The following NOP58 variants were observed in gnomAD, a reference collection of about 807,000 sequenced individuals.
The protein encoded by NOP58 is nucleolar protein 58.
Under a neutral mutation model 71.2 loss-of-function variants are expected in NOP58, and 44 were observed. The observed-to-expected ratio is 0.62, with a 90% CI of 0.49 to 0.79. The LOEUF is 0.79. Among genes scored for constraint, NOP58 ranks in the 30% least tolerant of loss-of-function variants. The pLI is 0.00. For synonymous variants in NOP58, 228 were observed against 200.3 expected, an observed-to-expected ratio of 1.14 and a Z score of -1.17; for missense variants, 538 against 620.2, an observed-to-expected ratio of 0.87 and a Z score of 1.41.
intron 3 of NOP58, among the ~76,000 whole-genome samples, chr2:202,279,132 A>C (rs1400002): frequency 0.98 from 149,241 of 152,266 alleles, 73,202 homozygotes; most frequent in East Asian, 1. Context: ...AGCTGTATTC[A>C]AACTCTAGGG....
intron 13 of NOP58, among the ~76,000 whole-genome samples, chr2:202,302,224 A>T (rs539671324): frequency 6.6e-6 from 1 of 150,834 alleles, no homozygotes; most frequent in Non-Finnish European, 1.5e-5. Flanking sequence ...AATAACTGGG[A>T]TTACAGGCAT....
chr2:202,277,071 A>C (rs1432194575), intron 2 of NOP58, among the ~76,000 whole-genome samples: 1 of 152,128 alleles, frequency 6.6e-6, no homozygotes. Flanking sequence ...GCGGATGATG[A>C]GGTCAGGAGA....
At chr2:202,284,080 G>C (rs1156608074) in intron 4 of NOP58, among the ~76,000 whole-genome samples, 3 of 151,992 alleles carry the variant, frequency 2.0e-5, no homozygotes, top group Non-Finnish European at 4.4e-5. Flanking sequence ...TCAGGAGTTT[G>C]AGACCAGCCT....
At chr2:202,295,627 A>G (rs1574388208) in intron 9 of NOP58, 47 bp from the exon 10 acceptor site, 2 of 1,393,938 alleles carry the variant, frequency 1.4e-6, no homozygotes, top group South Asian at 3.1e-5. Flanking sequence ...TACGTGGAAC[A>G]TTCATATATT....
intron 1 of NOP58, among the ~76,000 whole-genome samples, chr2:202,269,690 G>T (rs1034034195): frequency 1.3e-5 from 2 of 152,014 alleles, no homozygotes; most frequent in African/African-American, 4.8e-5. Flanking sequence ...GCAATGAGCT[G>T]CGGTCGCGCC....
At chr2:202,295,452 C>T (rs1390099169) in intron 9 of NOP58, among the ~76,000 whole-genome samples, 1 of 152,194 alleles carries the variant, frequency 6.6e-6, no homozygotes, top group Non-Finnish European at 1.5e-5. Flanking sequence ...TAAGCTTAGC[C>T]TTCAGTTTGT....
intron 10 of NOP58, among the ~76,000 whole-genome samples, chr2:202,296,365 G>A (rs1340138284): frequency 2.6e-5 from 4 of 151,962 alleles, no homozygotes; most frequent in East Asian, 1.9e-4. Context: ...CACCACGCCC[G>A]GCTAATTTTT....
intron 1 of NOP58, among the ~76,000 whole-genome samples, chr2:202,268,070 T>G (rs1200608579): frequency 1.3e-5 from 2 of 152,186 alleles, no homozygotes; most frequent in Non-Finnish European, 2.9e-5. Context: ...GCTGCACATT[T>G]TTGTGAAAAT....
chr2:202,272,564 G>T lies in NOP58; in HGVS notation c.46-2549G>T, dbSNP rs1468477297. Among the ~76,000 whole-genome samples, 4 of 152,144 alleles carry T rather than the reference G, an allele frequency of 2.6e-5. No individual in the cohort carries two copies. In the South Asian group the frequency reaches 8.3e-4, roughly 32 times the overall value. On this transcript the variant is annotated intron_variant, in intron 1 of 14. Transcript: ENST00000264279. ...TAAACAACTACAAAGCCTAGAGTTG[G>T]TATTAACAATTTATAAACTAATAGC...
chr2:202,288,575 T>G (rs1486329163), intron 6 of NOP58, among the ~76,000 whole-genome samples: 2 of 151,954 alleles, frequency 1.3e-5, no homozygotes, highest in African/African-American at 4.8e-5. Context: ...CCCAACACTT[T>G]GGGAGGCAGA....
chr2:202,274,052 A>G (rs1359475712), intron 1 of NOP58, among the ~76,000 whole-genome samples: 2 of 152,018 alleles, frequency 1.3e-5, no homozygotes, highest in African/African-American at 2.4e-5. Context: ...TGATAAGTAT[A>G]TTGTTGATTA....
intron 12 of NOP58, among the ~76,000 whole-genome samples, chr2:202,299,252 C>A (rs1689049714): frequency 6.6e-6 from 1 of 152,082 alleles, no homozygotes; most frequent in South Asian, 2.1e-4. Flanking sequence ...GCCACAGCAC[C>A]CGGCCTCCTT....
At position 202,303,026 on chromosome 2, in the gene NOP58, A is replaced by G. The variant is rs750739890; in HGVS notation, c.1508A>G (p.Glu503Gly). The change falls in exon 14 of 15, where the codon GAG (glutamate) becomes GGG (glycine). Residue 503 changes from glutamate (E) to glycine (G), a missense_variant. By Grantham distance (98) the Glu-to-Gly change is moderately conservative. Coordinates refer to ENST00000264279, the MANE Select transcript of NOP58 (RefSeq NM_015934.5). ...KKHIKEEPLS[E>G]EEPCTSTAIA... Reference sequence around the variant, plus strand: ...CACATTAAGGAAGAACCACTTTCTGAGGAAGAACCATGTACCAGCACAGCA... The same window carrying G: ...CACATTAAGGAAGAACCACTTTCTGGGGAAGAACCATGTACCAGCACAGCA... 1 of 1,612,594 alleles carries G rather than the reference A, an allele frequency of 6.2e-7. No homozygotes were observed. Among genetic ancestry groups the G allele is most frequent in the Non-Finnish European group, 8.5e-7 (1 of 1,179,888 alleles).
At chr2:202,281,741 G>A (rs966449044) in intron 3 of NOP58, among the ~76,000 whole-genome samples, 5 of 152,184 alleles carry the variant, frequency 3.3e-5, no homozygotes, top group Non-Finnish European at 2.9e-5. Flanking sequence ...GTATTAGTTC[G>A]TGTGGGTCCA....
At chr2:202,282,314 G>T in intron 3 of NOP58, 37 bp from the exon 4 acceptor site, 1 of 1,570,418 alleles carries the variant, frequency 6.4e-7, no homozygotes, top group South Asian at 1.2e-5. Flanking sequence ...TTAAAAATTT[G>T]AGAGTTAATG....
Position 202,286,561 on chromosome 2 carries a change from G to A in NOP58, c.435-1099G>A, listed in dbSNP as rs945927760. The stretch of plus-strand genomic sequence containing the variant: ...AAAAAGGTCTATTTTAAAATTAAAA[G>A]GTGGGCATAGATTGAAAGGGTTGAA... On this transcript the variant is annotated intron_variant, in intron 5 of 14. Coordinates refer to ENST00000264279, the MANE Select transcript of NOP58 (RefSeq NM_015934.5). Among the ~76,000 whole-genome samples the A allele has an allele frequency of 2.0e-5, 3 of 152,176 alleles. No individual in the cohort carries two copies. In the South Asian group the frequency reaches 6.2e-4, roughly 31 times the overall value.
At chr2:202,298,934 G>T (rs2105857161) in intron 12 of NOP58, among the ~76,000 whole-genome samples, 1 of 149,896 alleles carries the variant, frequency 6.7e-6, no homozygotes, top group Non-Finnish European at 1.5e-5. Flanking sequence ...ATACTTTCAG[G>T]AGTCATAATC....
In NOP58 at chr2:202,291,226, G is replaced by A. The variant is rs1162447302; in HGVS notation, c.736G>A (p.Val246Ile). Residue 246 changes from valine (V) to isoleucine (I), a missense_variant, in exon 8 of 15, where the codon GTT becomes ATT. By Grantham distance (29) the Val-to-Ile change is conservative. Transcript: ENST00000264279. The stretch of plus-strand genomic sequence containing the variant: ...TGCAGAGATATCAATGGGAACAGAG[G>A]TTTCAGAAGAAGATATTTGCAATAT... ...AAAEISMGTE[V>I]SEEDICNILH... 1 of 1,610,552 alleles carries A rather than the reference G, an allele frequency of 6.2e-7. No individual in the cohort carries two copies. The highest frequency in any genetic ancestry group is 1.7e-5 in the Admixed American group (1 of 58,842).
chr2:202,276,404 G>A (rs1313549488), intron 2 of NOP58: 1 of 484,638 alleles, frequency 2.1e-6, no homozygotes, highest in African/African-American at 1.9e-5. Flanking sequence ...TTCTTAAAGG[G>A]TTATATGCTT....
Sources: gnomAD v4.1 joint callset for allele counts (sites outside exome capture counted in the v4.1 genomes callset) on GRCh38, gnomAD v4.1.1 for gene constraint, MANE v1.5 for transcripts, NCBI Gene and HGNC (gene_info 2026-07-23, HGNC 2026-07-21) for gene names.